The following LRRC23 variants were observed in gnomAD, a reference collection of about 807,000 sequenced individuals.
LRRC23 encodes leucine rich repeat containing 23.
In LRRC23, 28 loss-of-function variants were observed where a neutral mutation model predicts 37.7. The ratio of observed to expected loss-of-function variants is 0.74; its 90% CI spans 0.55 to 1.02. The LOEUF (loss-of-function observed/expected upper bound fraction) is 1.02, where lower values mean the gene tolerates loss of function less well. LRRC23 is among the 50% of genes least tolerant of loss of function. The pLI is 0.00. For missense variants in LRRC23, 377 were observed against 413.2 expected (o/e 0.91, Z 0.76); for synonymous variants, 161 against 165.4 (o/e 0.97, Z 0.20).
At position 6,912,796 on chromosome 12, in the gene LRRC23, G is replaced by C. The variant is rs781806672; in HGVS notation, c.825G>C (p.Leu275Phe). 15 of 1,614,180 alleles carry C rather than the reference G, an allele frequency of 9.3e-6. 1 individual carries two copies. The East Asian group carries it at 1.8e-4, about 19-fold the overall frequency. Residue 275 changes from leucine (L) to phenylalanine (F), a missense_variant, in exon 7 of 8, where the codon TTG becomes TTC. By Grantham distance (22) the Leu-to-Phe change is conservative. Transcript: ENST00000443597. ...KLRDLPKLRA[L>F]VLLDNPCTDE... is the part of the protein sequence containing the mutation. ...GAGACCTGCCCAAGCTGCGAGCGTT[G>C]GTGCTGCTTGATAACCCATGCACGG...
At chr12:6,907,471 G>A (rs1197962151) in intron 5 of LRRC23, 26 bp downstream of exon 5, 5 of 1,613,864 alleles carry the variant, frequency 3.1e-6, no homozygotes, top group East Asian at 2.2e-5. Context: ...AGAGGGTGGT[G>A]CAGGGAAGAG....
rs1235257603 is a variant in LRRC23, at chr12:6,905,044, T to C, written c.-81T>C. 1 of 155,802 alleles carries C rather than the reference T, an allele frequency of 6.4e-6. No homozygotes were observed. Among genetic ancestry groups the C allele is most frequent in the African/African-American group, 2.4e-5 (1 of 41,460 alleles). The allele number at this position is 155,802 out of a possible 1,614,324, so 9.7% of individuals were successfully genotyped here. On this transcript the variant is annotated 5_prime_UTR_variant, in exon 1 of 8. Transcript: ENST00000443597. ...CTTCCCTCTCGGGACCAAGGGCCTC[T>C]CCAGAACTGCTTCTGATTGAGCAGA...
chr12:6,911,802 C>T (rs973073141), intron 6 of LRRC23, among the ~76,000 whole-genome samples: 1 of 152,124 alleles, frequency 6.6e-6, no homozygotes, highest in African/African-American at 2.4e-5. Flanking sequence ...TGAGGCCAGG[C>T]GTTCAAGACA....
In LRRC23 at chr12:6,905,771, G is replaced by A; in HGVS notation, c.126+12G>A. ...AGTTCCCTGAGGAAGTGAGAGCCTGGACAAGGAGGGGTCCTAGGGCTGAAG... is the reference window on the plus strand; with the variant it reads ...AGTTCCCTGAGGAAGTGAGAGCCTGAACAAGGAGGGGTCCTAGGGCTGAAG... On this transcript the variant is annotated intron_variant, in intron 2 of 7. Transcript: ENST00000443597. 1 of 1,600,120 alleles carries A rather than the reference G, an allele frequency of 6.2e-7. No homozygotes were observed. Among genetic ancestry groups the A allele is most frequent in the Non-Finnish European group, 8.5e-7 (1 of 1,171,022 alleles).
intron 3 of LRRC23, 132 bp from the exon 4 acceptor site, chr12:6,906,277 C>G: frequency 1.1e-6 from 1 of 872,424 alleles, no homozygotes; most frequent in South Asian, 1.6e-5. Flanking sequence ...CTTCTTCTCC[C>G]CTACCATCTG....
At chr12:6,912,218 C>T (rs750724056) in intron 6 of LRRC23, among the ~76,000 whole-genome samples, 4 of 152,056 alleles carry the variant, frequency 2.6e-5, no homozygotes, top group Non-Finnish European at 5.9e-5. Flanking sequence ...GGCTCGATCT[C>T]GGCTCACTGT....
intron 5 of LRRC23, among the ~76,000 whole-genome samples, chr12:6,909,344 AAT>A (rs1212837809): frequency 1.8e-5 from 1 of 55,998 alleles, no homozygotes; most frequent in Non-Finnish European, 2.9e-5. Flanking sequence ...ATAATATATA[AAT>A]ATATATAATA....
chr12:6,908,010 GA>G (rs1431281827), intron 5 of LRRC23, among the ~76,000 whole-genome samples: 1 of 152,130 alleles, frequency 6.6e-6, no homozygotes, highest in Non-Finnish European at 1.5e-5. Flanking sequence ...GCTTCAACAT[GA>G]AGCTGGTTCC....
intron 5 of LRRC23, among the ~76,000 whole-genome samples, chr12:6,908,622 C>CAAA (rs1565552999): frequency 1.5e-5 from 1 of 65,706 alleles, no homozygotes; most frequent in Non-Finnish European, 3.2e-5. Flanking sequence ...AAAAAAAAAC[C>CAAA]AAAGAAAAAC....
At chr12:6,912,250 A>G (rs1555140851) in intron 6 of LRRC23, among the ~76,000 whole-genome samples, 5 of 152,132 alleles carry the variant, frequency 3.3e-5, no homozygotes, top group African/African-American at 1.2e-4. Flanking sequence ...CCTGGGGTCA[A>G]GCAATCCCTC....
chr12:6,907,463 AG>A lies in LRRC23; in HGVS notation c.621+21del, dbSNP rs782432250. On this transcript the variant is annotated intron_variant, in intron 5 of 7. Transcript: ENST00000443597. ...TCTACCTGGTAGCTCACTGGGTCAG[AG>A]GGTGGTGCAGGGAAGAGGGCACTGT... 1.9e-6 allele frequency: 3 copies of A among 1,613,940 alleles called. No homozygotes were observed. Among genetic ancestry groups the A allele is most frequent in the Admixed American group, 1.7e-5 (1 of 60,002 alleles).
chr12:6,912,481 C>T lies in LRRC23; in HGVS notation c.759-249C>T, dbSNP rs112614358. On this transcript the variant is annotated intron_variant, in intron 6 of 7. Transcript: ENST00000443597. Reference sequence around the variant, plus strand: ...ACAGGGTTGTGGCCTAGCTTTGCTGCACCAAAAGAACACATGAATGTATTA... The same window carrying T: ...ACAGGGTTGTGGCCTAGCTTTGCTGTACCAAAAGAACACATGAATGTATTA... Among the ~76,000 whole-genome samples the T allele has an allele frequency of 1.8e-3, 276 of 152,254 alleles. 1 individual carries two copies. Among genetic ancestry groups the T allele is most frequent in the African/African-American group, 6.1e-3 (253 of 41,546 alleles).
At chr12:6,913,793 G>A in intron 7 of LRRC23, 98 bp from the exon 8 acceptor site, 1 of 864,288 alleles carries the variant, frequency 1.2e-6, no homozygotes, top group East Asian at 2.7e-5. Context: ...TGGATCTCCT[G>A]ACCTCGTGAT....
At chr12:6,908,763 G>A (rs1945020140) in intron 5 of LRRC23, among the ~76,000 whole-genome samples, 1 of 149,384 alleles carries the variant, frequency 6.7e-6, no homozygotes, top group South Asian at 2.1e-4. Context: ...GGCGGGGCTT[G>A]CAGTGAGCCG....
rs1025079155 is a variant in LRRC23 at position 6,909,967 on chromosome 12, G to T, written c.699G>T (p.Gln233His). ...NLTTLHLRDN[Q>H]IDTLSGFSRE... is the part of the protein sequence containing the mutation. Reference sequence around the variant, plus strand: ...CCACCTTGCATCTTCGAGACAACCAGATTGACACCCTGAGTGGCTTCTCCA... The same window carrying T: ...CCACCTTGCATCTTCGAGACAACCATATTGACACCCTGAGTGGCTTCTCCA... The change falls in exon 6 of 8, where the codon CAG becomes CAT. Residue 233 changes from glutamine to histidine, a missense_variant. By Grantham distance (24) the Gln-to-His change is conservative (BLOSUM62 0). Coordinates refer to ENST00000443597, the MANE Select transcript of LRRC23 (RefSeq NM_001135217.2). 1.9e-6 allele frequency: 3 copies of T among 1,613,788 alleles called. No individual in the cohort carries two copies. The African/African-American group carries it at 4.0e-5, about 22-fold the overall frequency.
chr12:6,906,147 G>C (rs1944939997), intron 3 of LRRC23, among the ~76,000 whole-genome samples, 193 bp downstream of exon 3: 1 of 152,132 alleles, frequency 6.6e-6, no homozygotes, highest in Non-Finnish European at 1.5e-5. Flanking sequence ...TGGAGATTGA[G>C]AGTATATGGG....
chr12:6,906,743 T>C, intron 4 of LRRC23, 81 bp downstream of exon 4: 1 of 1,452,114 alleles, frequency 6.9e-7, no homozygotes, highest in South Asian at 1.3e-5. Context: ...GGTCCTTGGC[T>C]AGGGCACATG....
intron 6 of LRRC23, among the ~76,000 whole-genome samples, chr12:6,912,509 G>A (rs782595431): frequency 2.0e-5 from 3 of 152,282 alleles, no homozygotes; most frequent in East Asian, 3.9e-4. Context: ...ATGTATTACA[G>A]AGTAGAATAT....
At chr12:6,908,666 A>G (rs1320598213) in intron 5 of LRRC23, among the ~76,000 whole-genome samples, 1 of 149,908 alleles carries the variant, frequency 6.7e-6, no homozygotes, top group African/African-American at 2.5e-5. Flanking sequence ...AAAATACAAA[A>G]AAAAAAAATT....
Sources: gnomAD v4.1 joint callset for allele counts (sites outside exome capture counted in the v4.1 genomes callset) on GRCh38, gnomAD v4.1.1 for gene constraint, MANE v1.5 for transcripts, NCBI Gene and HGNC (gene_info 2026-07-23, HGNC 2026-07-21) for gene names.